The following USP32 variants were observed in gnomAD, a reference collection of about 807,000 sequenced individuals.
The protein encoded by USP32 is ubiquitin specific peptidase 32, also known as ubiquitin carboxyl-terminal hydrolase 32.
In USP32, 59 loss-of-function variants were observed where a neutral mutation model predicts 204.8. That is an observed-to-expected ratio of 0.29 (90% CI 0.23 to 0.36). The LOEUF (loss-of-function observed/expected upper bound fraction) is 0.36, where lower values mean the gene tolerates loss of function less well. Among genes scored for constraint, USP32 ranks in the 10% least tolerant of loss-of-function variants. USP32 has a pLI of 1.00. For synonymous variants in USP32, 517 were observed against 678.4 expected, an observed-to-expected ratio of 0.76 and a Z score of 3.70; for missense variants, 1,160 against 1,946.4, an observed-to-expected ratio of 0.60 and a Z score of 7.60.
At chr17:60,184,761 G>A (rs1361881470) in intron 30 of USP32, among the ~76,000 whole-genome samples, 2 of 139,080 alleles carry the variant, frequency 1.4e-5, no homozygotes, top group African/African-American at 2.7e-5. Flanking sequence ...GGTGAGCTGA[G>A]ATTACACCAC....
intron 2 of USP32, among the ~76,000 whole-genome samples, chr17:60,332,340 T>G (rs2088409197): frequency 6.6e-6 from 1 of 151,878 alleles, no homozygotes; most frequent in Non-Finnish European, 1.5e-5. Context: ...AACCAAACAT[T>G]TCTATCGCCT....
At chr17:60,304,391 A>G (rs2087670345) in intron 2 of USP32, among the ~76,000 whole-genome samples, 2 of 151,702 alleles carry the variant, frequency 1.3e-5, no homozygotes, top group South Asian at 4.1e-4. Flanking sequence ...ACAAAAACAG[A>G]GAAGTCATTA....
At position 60,222,744 on chromosome 17, in the gene USP32, C is replaced by T. The variant is rs140636604; in HGVS notation, c.1609-195G>A. ...TCACCCAGGCTGGAGTACAGTGGCG[C>T]GATCTTCGCTTGCTGCAGCCTCCGC... On this transcript the variant is annotated intron_variant, in intron 14 of 33. Transcript: ENST00000300896. 8.9e-4 allele frequency among the ~76,000 whole-genome samples: 132 copies of T among 147,584 alleles called. No homozygotes were observed. In the East Asian group the frequency reaches 0.012, roughly 14 times the overall value.
chr17:60,257,334 C>T (rs545036974), intron 9 of USP32, among the ~76,000 whole-genome samples: 1 of 152,210 alleles, frequency 6.6e-6, no homozygotes, highest in South Asian at 2.1e-4. Flanking sequence ...TCACATGTGC[C>T]AATTGGGGGG....
In USP32 at chr17:60,376,480, C is replaced by T. The variant is rs549710515; in HGVS notation, c.58+15402G>A. Among the ~76,000 whole-genome samples, 13 of 151,734 alleles carry T rather than the reference C, an allele frequency of 8.6e-5. No homozygotes were observed. In the East Asian group the frequency reaches 1.4e-3, roughly 16 times the overall value. ...AAGTATTAATAATCAAACAAAGCCA[C>T]GCAGTGAAATGACATTTGAATTTTG... On this transcript the variant is annotated intron_variant, in intron 1 of 33. Transcript: ENST00000300896.
intron 2 of USP32, among the ~76,000 whole-genome samples, chr17:60,325,969 T>C (rs2088224344): frequency 7.8e-6 from 1 of 128,190 alleles, no homozygotes; most frequent in Admixed American, 8.5e-5. Flanking sequence ...TAAGACTCTG[T>C]CTCAAAAAAA....
chr17:60,214,927 T>C (rs576975217), intron 16 of USP32, among the ~76,000 whole-genome samples, 153 bp from the exon 17 acceptor site: 1 of 152,330 alleles, frequency 6.6e-6, no homozygotes, highest in South Asian at 2.1e-4. Flanking sequence ...CAAAACGCTT[T>C]AAAATGCAGG....
At chr17:60,348,168 T>A (rs531485160) in intron 1 of USP32, among the ~76,000 whole-genome samples, 41 of 152,050 alleles carry the variant, frequency 2.7e-4, no homozygotes, top group African/African-American at 9.6e-4. Context: ...TAAACTTTTT[T>A]AAGGATACTG....
intron 29 of USP32, 50 bp from the exon 30 acceptor site, chr17:60,185,701 A>G: frequency 6.4e-7 from 1 of 1,573,248 alleles, no homozygotes. Flanking sequence ...AGGCATTTAA[A>G]GTGGTGATCT....
At chr17:60,222,872 G>A (rs1198788078) in intron 14 of USP32, among the ~76,000 whole-genome samples, 8 of 151,662 alleles carry the variant, frequency 5.3e-5, no homozygotes, top group Non-Finnish European at 1.2e-4. Flanking sequence ...AGTAGAGACG[G>A]GGTTTCACCA....
intron 5 of USP32, among the ~76,000 whole-genome samples, chr17:60,284,449 T>C (rs1292849143): frequency 6.6e-6 from 1 of 151,926 alleles, no homozygotes. Context: ...CTCGAACTCC[T>C]AACCTTGTGA....
intron 1 of USP32, among the ~76,000 whole-genome samples, chr17:60,356,533 G>A (rs939213665): frequency 6.6e-6 from 1 of 152,152 alleles, no homozygotes; most frequent in African/African-American, 2.4e-5. Flanking sequence ...ATAGGTTCAA[G>A]GCATTTTTAA....
chr17:60,223,695 AGT>A, intron 13 of USP32, 109 bp from the exon 14 acceptor site: 2 of 893,272 alleles, frequency 2.2e-6, no homozygotes, highest in Non-Finnish European at 3.3e-6. Context: ...TTGACATGTC[AGT>A]ACAGATTAAG....
chr17:60,416,535 C>T (rs541167466), intron 1 of USP32, among the ~76,000 whole-genome samples: 3 of 152,078 alleles, frequency 2.0e-5, no homozygotes, highest in African/African-American at 2.4e-5. Context: ...TGTTGAATGA[C>T]TTGATTTGCC....
At chr17:60,197,729 A>T (rs920961030) in intron 27 of USP32, among the ~76,000 whole-genome samples, 19 of 152,280 alleles carry the variant, frequency 1.2e-4, no homozygotes, top group African/African-American at 4.3e-4. Context: ...GAACAGTGAT[A>T]GGAAAAAGGG....
intron 1 of USP32, among the ~76,000 whole-genome samples, chr17:60,400,814 G>T (rs908919575): frequency 6.6e-6 from 1 of 151,906 alleles, no homozygotes; most frequent in Non-Finnish European, 1.5e-5. Context: ...TGTGGCCAGG[G>T]GTTTGAGACC....
At chr17:60,364,435 G>A (rs1047730128) in intron 1 of USP32, among the ~76,000 whole-genome samples, 6 of 152,254 alleles carry the variant, frequency 3.9e-5, no homozygotes, top group South Asian at 2.1e-4. Context: ...GCTAGAGTGC[G>A]GTGGCGCGAT....
intron 11 of USP32, among the ~76,000 whole-genome samples, chr17:60,240,481 A>AAGAGAAAAAAGGGAGAGAGAGAGAGAG (rs1180677091): frequency 3.4e-4 from 49 of 145,136 alleles, no homozygotes; most frequent in Non-Finnish European, 6.2e-4. Context: ...GAGGAAGAGA[A>AAGAGAAAAAAGGGAGAGAGAGAGAGAG]AGAGAAAAAA....
At chr17:60,373,592 G>A (rs2089485420) in intron 1 of USP32, among the ~76,000 whole-genome samples, 1 of 151,916 alleles carries the variant, frequency 6.6e-6, no homozygotes, top group South Asian at 2.1e-4. Flanking sequence ...TAGGATTACA[G>A]GCGTGCACCA....
Sources: allele counts gnomAD v4.1 joint callset (sites outside exome capture counted in the v4.1 genomes callset), GRCh38; gene constraint gnomAD v4.1.1; transcripts MANE v1.5; gene names NCBI Gene and HGNC (gene_info 2026-07-23, HGNC 2026-07-21).